Variants in SDK1 observed in about 807,000 individuals in gnomAD.
SDK1 encodes protein sidekick-1.
In SDK1, 157 loss-of-function variants were observed where a neutral mutation model predicts 245.5. The ratio of observed to expected loss-of-function variants is 0.64; its 90% CI spans 0.56 to 0.73. SDK1 has a LOEUF of 0.73. SDK1 is among the 30% of genes least tolerant of loss of function. SDK1 has a pLI of 0.00. For synonymous variants in SDK1, 1,647 were observed against 1,278.5 expected (o/e 1.29, Z -6.15); for missense variants, 3,583 against 3,002.3 (o/e 1.19, Z -4.52).
intron 1 of SDK1, among the ~76,000 whole-genome samples, chr7:3,575,123 T>A (rs1160755138): frequency 1.3e-5 from 2 of 152,078 alleles, no homozygotes; most frequent in African/African-American, 4.8e-5. Context: ...CCAAATACCC[T>A]AGACTGGGTG....
At chr7:3,599,167 G>A (rs1335115296) in intron 1 of SDK1, among the ~76,000 whole-genome samples, 4 of 141,382 alleles carry the variant, frequency 2.8e-5, no homozygotes, top group Non-Finnish European at 6.0e-5. Flanking sequence ...TAGCCATTCC[G>A]ATAGATGTGC....
At chr7:4,213,284 G>A (rs113106369) in intron 38 of SDK1, among the ~76,000 whole-genome samples, 3,618 of 152,122 alleles carry the variant, frequency 0.024, 64 homozygotes, top group South Asian at 0.066. Context: ...ATGGTGGCAC[G>A]CACCTGTAAT....
intron 4 of SDK1, among the ~76,000 whole-genome samples, chr7:3,711,841 T>G (rs1019955228): frequency 6.6e-6 from 1 of 152,100 alleles, no homozygotes; most frequent in Non-Finnish European, 1.5e-5. Flanking sequence ...GATCTTTTGA[T>G]TTGACTCCTG....
At position 3,320,253 on chromosome 7, in the gene SDK1, C is replaced by G. The variant is rs149458623; in HGVS notation, c.298+18369C>G. ...TCTCATTTCCAGATATCTTTGCCAT[C>G]GTTTGCAGTTACAGCTTTTTTTTTC... is the stretch of plus-strand genomic sequence containing the variant. On this transcript the variant is annotated intron_variant, in intron 1 of 44. Coordinates refer to ENST00000404826, the MANE Select transcript of SDK1 (RefSeq NM_152744.4). Among the ~76,000 whole-genome samples the G allele has an allele frequency of 8.1e-3, 1,208 of 148,264 alleles. 15 individuals are homozygous for G. Among genetic ancestry groups the G allele is most frequent in the African/African-American group, 0.03 (1,173 of 39,642 alleles).
intron 38 of SDK1, among the ~76,000 whole-genome samples, chr7:4,215,214 A>G: frequency 6.6e-6 from 1 of 152,216 alleles, no homozygotes; most frequent in Non-Finnish European, 1.5e-5. Context: ...AGACTCACTG[A>G]GTCAGCTTAT....
chr7:4,204,262 C>G (rs1348562323), intron 35 of SDK1, among the ~76,000 whole-genome samples: 1 of 152,216 alleles, frequency 6.6e-6, no homozygotes, highest in Non-Finnish European at 1.5e-5. Context: ...ATTAATGTGG[C>G]TGTTAAAATT....
chr7:3,501,095 A>G (rs1782196095), intron 1 of SDK1, among the ~76,000 whole-genome samples: 1 of 152,190 alleles, frequency 6.6e-6, no homozygotes, highest in Non-Finnish European at 1.5e-5. Context: ...TGTGCTTATA[A>G]TGCAAAGTGG....
At chr7:4,236,690 A>G (rs1786188120) in intron 41 of SDK1, among the ~76,000 whole-genome samples, 1 of 151,934 alleles carries the variant, frequency 6.6e-6, no homozygotes, top group South Asian at 2.1e-4. Flanking sequence ...TTTCTATCGG[A>G]GGAAGACCTC....
intron 5 of SDK1, among the ~76,000 whole-genome samples, chr7:3,863,794 C>T (rs1197441672): frequency 6.6e-6 from 1 of 152,204 alleles, no homozygotes; most frequent in East Asian, 1.9e-4. Context: ...GAAGAATATT[C>T]CATCGTACGG....
chr7:3,541,533 G>T (rs183417204), intron 1 of SDK1, among the ~76,000 whole-genome samples: 4 of 152,252 alleles, frequency 2.6e-5, no homozygotes, highest in African/African-American at 7.2e-5. Context: ...TAATATGTCA[G>T]TCCTTCTGTA....
At chr7:3,743,018 A>G (rs1333083897) in intron 4 of SDK1, among the ~76,000 whole-genome samples, 1 of 152,220 alleles carries the variant, frequency 6.6e-6, no homozygotes, top group Non-Finnish European at 1.5e-5. Context: ...ACATGGTCCT[A>G]CTTATTGATA....
intron 14 of SDK1, among the ~76,000 whole-genome samples, chr7:3,997,715 GA>G (rs898032513): frequency 5.3e-5 from 8 of 152,242 alleles, no homozygotes; most frequent in Admixed American, 2.0e-4. Flanking sequence ...AGTGGGCCTG[GA>G]AAAGGCACCA....
At chr7:3,750,018 G>C (rs894863166) in intron 4 of SDK1, among the ~76,000 whole-genome samples, 7 of 152,182 alleles carry the variant, frequency 4.6e-5, no homozygotes, top group African/African-American at 1.7e-4. Context: ...TACAGATGAT[G>C]GTTAAAACGT....
intron 5 of SDK1, among the ~76,000 whole-genome samples, chr7:3,890,457 C>A (rs1360235980): frequency 6.6e-6 from 1 of 152,110 alleles, no homozygotes; most frequent in African/African-American, 2.4e-5. Context: ...TGTTTTTTAC[C>A]TTTTTCTTTG....
At chr7:3,470,611 G>A (rs1280049426) in intron 1 of SDK1, among the ~76,000 whole-genome samples, 1 of 152,052 alleles carries the variant, frequency 6.6e-6, no homozygotes, top group Non-Finnish European at 1.5e-5. Context: ...TTATGACTTT[G>A]GCAGTATGAA....
chr7:3,527,401 G>A (rs577434351), intron 1 of SDK1, among the ~76,000 whole-genome samples: 1 of 152,238 alleles, frequency 6.6e-6, no homozygotes, highest in African/African-American at 2.4e-5. Flanking sequence ...AAGGCCTTTT[G>A]GGGGAAGTGA....
chr7:3,687,496 A>G (rs1281758395), intron 4 of SDK1, among the ~76,000 whole-genome samples: 2 of 152,252 alleles, frequency 1.3e-5, no homozygotes, highest in African/African-American at 4.8e-5. Context: ...GGTAACAGAT[A>G]TCGAACCGCA....
chr7:3,304,234 T>C (rs1347467472), intron 1 of SDK1, among the ~76,000 whole-genome samples: 1 of 152,218 alleles, frequency 6.6e-6, no homozygotes, highest in Non-Finnish European at 1.5e-5. Context: ...GCTCTGCTTA[T>C]TGCTGTGTGT....
chr7:3,342,572 G>C (rs997563953), intron 1 of SDK1, among the ~76,000 whole-genome samples: 8 of 151,488 alleles, frequency 5.3e-5, no homozygotes, highest in Admixed American at 3.9e-4. Context: ...TAGGCAACAA[G>C]AGCGAAACTC....
Sources: gnomAD v4.1 joint callset for allele counts (sites outside exome capture counted in the v4.1 genomes callset) on GRCh38, gnomAD v4.1.1 for gene constraint, MANE v1.5 for transcripts, NCBI Gene and HGNC (gene_info 2026-07-23, HGNC 2026-07-21) for gene names.